LMNTD1: variants seen among roughly 807,000 people sequenced by gnomAD.
The protein encoded by LMNTD1 is lamin tail domain containing 1, also known as lamin tail domain-containing protein 1.
In LMNTD1, 35 loss-of-function variants were observed where a neutral mutation model predicts 50.9. The ratio of observed to expected loss-of-function variants is 0.69; its 90% CI spans 0.53 to 0.91. LMNTD1 has a LOEUF of 0.91. Ranked by LOEUF, LMNTD1 falls within the 40% of genes least tolerant of loss-of-function variation. The pLI is 0.00. For synonymous variants in LMNTD1, 153 were observed against 161.9 expected (o/e 0.94, Z 0.42); for missense variants, 470 against 475.5 (o/e 0.99, Z 0.11).
intron 1 of LMNTD1, among the ~76,000 whole-genome samples, chr12:25,558,640 C>T (rs1021937633): frequency 6.6e-6 from 1 of 152,172 alleles, no homozygotes; most frequent in Admixed American, 6.5e-5. Context: ...GTTTAATGGC[C>T]TCACATTTCC....
chr12:25,605,842 T>A (rs1946088009), intron 1 of LMNTD1, among the ~76,000 whole-genome samples: 2 of 152,216 alleles, frequency 1.3e-5, no homozygotes, highest in South Asian at 4.1e-4. Flanking sequence ...CATATGAACT[T>A]TAAAGTAGTT....
intron 1 of LMNTD1, among the ~76,000 whole-genome samples, chr12:25,618,768 T>A (rs1330244911): frequency 6.6e-6 from 1 of 152,216 alleles, no homozygotes; most frequent in Non-Finnish European, 1.5e-5. Context: ...ACTGCTAAAA[T>A]GATCTAATTA....
intron 6 of LMNTD1, 27 bp downstream of exon 6, chr12:25,526,072 A>C (rs556657112): frequency 1.3e-6 from 2 of 1,536,738 alleles, no homozygotes; most frequent in South Asian, 1.3e-5. Context: ...AAAAAAAAAA[A>C]ACGATTGTTA....
At chr12:25,607,742 C>A (rs565090757) in intron 1 of LMNTD1, among the ~76,000 whole-genome samples, 4 of 152,122 alleles carry the variant, frequency 2.6e-5, no homozygotes, top group African/African-American at 7.2e-5. Flanking sequence ...CTGAAGAGTG[C>A]TTTACTTCCA....
chr12:25,512,080 T>C (rs968893051), intron 8 of LMNTD1, among the ~76,000 whole-genome samples: 2 of 152,210 alleles, frequency 1.3e-5, no homozygotes, highest in African/African-American at 4.8e-5. Flanking sequence ...TGAAATAAAT[T>C]TAGAAGGTCA....
At chr12:25,492,461 A>C (rs753264009) in intron 9 of LMNTD1, among the ~76,000 whole-genome samples, 1 of 152,222 alleles carries the variant, frequency 6.6e-6, no homozygotes, top group Non-Finnish European at 1.5e-5. Context: ...AAAACTTGTC[A>C]CGAATATTTT....
chr12:25,570,530 G>A (rs1163802996), intron 1 of LMNTD1, among the ~76,000 whole-genome samples: 1 of 152,156 alleles, frequency 6.6e-6, no homozygotes, highest in African/African-American at 2.4e-5. Context: ...TTTCTGGCAT[G>A]CATCAAAATG....
At chr12:25,532,524 G>A (rs1209465117) in intron 4 of LMNTD1, among the ~76,000 whole-genome samples, 1 of 152,106 alleles carries the variant, frequency 6.6e-6, no homozygotes, top group Non-Finnish European at 1.5e-5. Flanking sequence ...GTTTTGAGGA[G>A]AAAAGTGGCT....
At chr12:25,622,977 C>T (rs1388125990) in intron 1 of LMNTD1, among the ~76,000 whole-genome samples, 5 of 146,656 alleles carry the variant, frequency 3.4e-5, no homozygotes, top group Admixed American at 1.4e-4. Flanking sequence ...AATAAGCTGG[C>T]GGACGACGGG....
rs1345013544 is a variant in LMNTD1 at position 25,519,888 on chromosome 12, T to C, written c.986A>G (p.Gln329Arg). 8 of 1,611,446 alleles carry C rather than the reference T, an allele frequency of 5.0e-6. No homozygotes were observed. The highest frequency in any genetic ancestry group is 6.8e-6 in the Non-Finnish European group (8 of 1,179,074). Residue 329 changes from glutamine (Q) to arginine (R), a missense_variant, in exon 7 of 10, where the codon CAG (glutamine) becomes CGG (arginine). Gln to Arg is a conservative substitution (Grantham distance 43). Coordinates refer to ENST00000458174, the MANE Select transcript of LMNTD1 (RefSeq NM_001145728.2). ...DQPKKDISNY[Q>R]VEQAQVLLKR... ...AAGAAGAACTTGAGCTTGTTCCACC[T>C]GATAATTTGAGATATCTTTCTTAGG...
chr12:25,492,176 T>A (rs1325249385), intron 9 of LMNTD1, among the ~76,000 whole-genome samples: 7 of 152,208 alleles, frequency 4.6e-5, no homozygotes, highest in African/African-American at 1.7e-4. Context: ...ATGAACACAT[T>A]TTTTCAAAAG....
At chr12:25,618,562 T>C (rs1265194086) in intron 1 of LMNTD1, among the ~76,000 whole-genome samples, 1 of 152,196 alleles carries the variant, frequency 6.6e-6, no homozygotes, top group Non-Finnish European at 1.5e-5. Context: ...AGTGATTTTA[T>C]AATTCTCCTT....
At chr12:25,621,206 A>G (rs1464612299) in intron 1 of LMNTD1, among the ~76,000 whole-genome samples, 5 of 152,172 alleles carry the variant, frequency 3.3e-5, no homozygotes, top group South Asian at 4.1e-4. Context: ...ATGTTAATAC[A>G]TTGGCAGGGG....
chr12:25,479,892 C>T (rs1163858413), intron 9 of LMNTD1, among the ~76,000 whole-genome samples: 1 of 152,176 alleles, frequency 6.6e-6, no homozygotes, highest in East Asian at 1.9e-4. Flanking sequence ...GCAAATTGGG[C>T]ACTCAGCAGT....
At chr12:25,614,344 A>G (rs953378202) in intron 1 of LMNTD1, among the ~76,000 whole-genome samples, 4 of 152,022 alleles carry the variant, frequency 2.6e-5, no homozygotes, top group Non-Finnish European at 4.4e-5. Flanking sequence ...GCACAGACAC[A>G]TTCCCTTGAT....
At chr12:25,484,653 C>G (rs12303766) in intron 9 of LMNTD1, among the ~76,000 whole-genome samples, 4 of 114,200 alleles carry the variant, frequency 3.5e-5, no homozygotes, top group East Asian at 3.1e-4. Flanking sequence ...ATCCCTCCCC[C>G]CTCCCCCCAC....
At chr12:25,538,017 T>C (rs1942748908) in intron 4 of LMNTD1, among the ~76,000 whole-genome samples, 2 of 148,774 alleles carry the variant, frequency 1.3e-5, no homozygotes, top group Admixed American at 1.4e-4. Flanking sequence ...AAGGAAAGTT[T>C]AGAGAAAAAA....
chr12:25,595,635 CACAA>C (rs1467713470), intron 1 of LMNTD1, among the ~76,000 whole-genome samples: 3 of 152,088 alleles, frequency 2.0e-5, no homozygotes, highest in African/African-American at 7.2e-5. Flanking sequence ...TCTGAAAGAG[CACAA>C]ACAGACAATC....
chr12:25,545,197 TCTC>T (rs1565462533), intron 4 of LMNTD1, among the ~76,000 whole-genome samples: 1 of 151,730 alleles, frequency 6.6e-6, no homozygotes, highest in Non-Finnish European at 1.5e-5. Context: ...AAAGATTTTA[TCTC>T]CTCATATTTG....
Sources: gnomAD v4.1 joint callset for allele counts (sites outside exome capture counted in the v4.1 genomes callset) on GRCh38, gnomAD v4.1.1 for gene constraint, MANE v1.5 for transcripts, NCBI Gene and HGNC (gene_info 2026-07-23, HGNC 2026-07-21) for gene names.